SGCD: variants seen among roughly 807,000 people sequenced by gnomAD.
The protein encoded by SGCD is delta-sarcoglycan.
In SGCD, 18 loss-of-function variants were observed where a neutral mutation model predicts 36.6. The ratio of observed to expected loss-of-function variants is 0.49; its 90% CI spans 0.34 to 0.73. The LOEUF is 0.73. Among genes scored for constraint, SGCD ranks in the 30% least tolerant of loss-of-function variants. The pLI is 0.01. For missense variants in SGCD, 387 were observed against 346.7 expected, an observed-to-expected ratio of 1.12 and a Z score of -0.92; for synonymous variants, 133 against 130.6, an observed-to-expected ratio of 1.02 and a Z score of -0.12.
chr5:156,436,078 G>T (rs544418263), intron 3 of SGCD, among the ~76,000 whole-genome samples: 3 of 152,232 alleles, frequency 2.0e-5, no homozygotes, highest in African/African-American at 4.8e-5. Flanking sequence ...CACTCCATTT[G>T]TCTGTAGCCT....
At chr5:156,682,627 C>T (rs1753763046) in intron 7 of SGCD, among the ~76,000 whole-genome samples, 1 of 152,190 alleles carries the variant, frequency 6.6e-6, no homozygotes, top group South Asian at 2.1e-4. Flanking sequence ...GGACAAGGAA[C>T]ATTAAAGTTC....
intron 1 of SGCD, among the ~76,000 whole-genome samples, chr5:155,974,923 C>A (rs1006176132): frequency 3.9e-5 from 6 of 152,074 alleles, no homozygotes; most frequent in Non-Finnish European, 7.4e-5. Context: ...CTCTTCTTTT[C>A]CTTTCTGCCT....
chr5:156,049,178 G>T (rs1222621070), intron 1 of SGCD, among the ~76,000 whole-genome samples: 1 of 145,956 alleles, frequency 6.9e-6, no homozygotes, highest in African/African-American at 2.5e-5. Flanking sequence ...TGTTCTGTTG[G>T]TCTATATCTC....
chr5:156,415,913 C>T (rs531002193), intron 3 of SGCD, among the ~76,000 whole-genome samples: 104 of 152,276 alleles, frequency 6.8e-4, no homozygotes, highest in African/African-American at 2.2e-3. Context: ...TTTACAAATA[C>T]AGAAACATGG....
At chr5:155,916,565 G>A (rs1349893760) in intron 1 of SGCD, among the ~76,000 whole-genome samples, 1 of 152,074 alleles carries the variant, frequency 6.6e-6, no homozygotes, top group African/African-American at 2.4e-5. Context: ...GTGAACATCA[G>A]GTCTGTATTG....
At chr5:156,098,694 T>G (rs1489114706) in intron 1 of SGCD, among the ~76,000 whole-genome samples, 1 of 152,034 alleles carries the variant, frequency 6.6e-6, no homozygotes, top group Admixed American at 6.6e-5. Flanking sequence ...CTTATAAAGT[T>G]TGTACTTCAA....
rs372023683 is a variant in SGCD at position 156,612,705 on chromosome 5, G to A, written c.502+17654G>A. Among the ~76,000 whole-genome samples the A allele has an allele frequency of 3.3e-5, 5 of 152,326 alleles. No individual in the cohort carries two copies. In the East Asian group the frequency reaches 5.8e-4, roughly 18 times the overall value. The stretch of plus-strand genomic sequence containing the variant: ...TGTAACTACCCATGTGAGTACAGTG[G>A]TATGATGGCAGTGTGTCAGAAATGG... On this transcript the variant is annotated intron_variant, in intron 6 of 8. Transcript: ENST00000337851.
chr5:155,936,090 G>A (rs1757191047), intron 1 of SGCD, among the ~76,000 whole-genome samples: 2 of 152,156 alleles, frequency 1.3e-5, no homozygotes, highest in African/African-American at 2.4e-5. Context: ...CCCAAAGAGG[G>A]TATTACAGTC....
intron 3 of SGCD, among the ~76,000 whole-genome samples, chr5:156,403,570 C>T (rs1339079273): frequency 2.0e-5 from 3 of 152,120 alleles, no homozygotes; most frequent in Non-Finnish European, 2.9e-5. Context: ...GAGATTTTGC[C>T]GGACGTTCAC....
intron 3 of SGCD, among the ~76,000 whole-genome samples, chr5:156,229,269 T>TAC (rs1561574865): frequency 1.7e-4 from 15 of 88,546 alleles, no homozygotes; most frequent in African/African-American, 2.8e-4. Flanking sequence ...TACATATATA[T>TAC]ATACATACAT....
At chr5:156,609,404 C>G (rs566588533) in intron 6 of SGCD, among the ~76,000 whole-genome samples, 2 of 152,096 alleles carry the variant, frequency 1.3e-5, no homozygotes, top group Non-Finnish European at 2.9e-5. Flanking sequence ...GAGTTTCTGC[C>G]GAGAGATCGG....
intron 3 of SGCD, among the ~76,000 whole-genome samples, chr5:156,174,912 C>T (rs889315036): frequency 6.6e-6 from 1 of 152,084 alleles, no homozygotes; most frequent in African/African-American, 2.4e-5. Context: ...TAAGTTATAA[C>T]TGAAAATGGA....
At chr5:156,000,473 C>T (rs1370981463) in intron 1 of SGCD, among the ~76,000 whole-genome samples, 2 of 152,118 alleles carry the variant, frequency 1.3e-5, no homozygotes, top group Non-Finnish European at 2.9e-5. Flanking sequence ...TTTCCCTGTT[C>T]TAAAGGAGTG....
At chr5:155,821,709 T>G in the SGCD span, among the ~76,000 whole-genome samples, 5 of 152,330 alleles carry the variant, frequency 3.3e-5, no homozygotes, top group Admixed American at 6.5e-5. Flanking sequence ...ATATTTATTT[T>G]GCAGATTATA....
In SGCD at chr5:156,449,677, C is replaced by CAAAAAAAAAAA. The variant is rs397883573; in HGVS notation, c.193-58909_193-58899dup. Among the ~76,000 whole-genome samples the CAAAAAAAAAAA allele has an allele frequency of 8.9e-4, 41 of 46,034 alleles. 1 individual carries two copies. Among genetic ancestry groups the CAAAAAAAAAAA allele is most frequent in the African/African-American group, 1.8e-3 (21 of 11,558 alleles). The allele number at this position is 46,034 out of a possible 152,430, so 30.2% of individuals were successfully genotyped here. ...TGAAACTCCGTCTCTACTAAAAATA[C>CAAAAAAAAAAA]AAAAAAAAAAAAAAAAAAAAAAAAA... On this transcript the variant is annotated intron_variant, in intron 3 of 8. Coordinates refer to ENST00000337851, the MANE Select transcript of SGCD (RefSeq NM_000337.6).
chr5:156,131,531 A>G (rs917821192), intron 3 of SGCD, among the ~76,000 whole-genome samples: 1 of 152,218 alleles, frequency 6.6e-6, no homozygotes, highest in African/African-American at 2.4e-5. Context: ...CCAGAGAATA[A>G]TCTAATTTCC....
chr5:156,458,489 T>C lies in SGCD; in HGVS notation c.193-50112T>C, dbSNP rs1307051009. 3.0e-5 allele frequency: 49 copies of C among 1,607,416 alleles called. 1 individual carries two copies. In the South Asian group the frequency reaches 4.8e-4, roughly 16 times the overall value. ...GCTCATCCCCAACACAGTCAGCAAA[T>C]GACAAGGGCTTCGTTAACCTACAAC... On this transcript the variant is annotated intron_variant, in intron 3 of 8. Coordinates refer to ENST00000337851, the MANE Select transcript of SGCD (RefSeq NM_000337.6).
intron 3 of SGCD, among the ~76,000 whole-genome samples, chr5:156,184,411 T>C (rs1763685256): frequency 6.6e-6 from 1 of 151,182 alleles, no homozygotes. Flanking sequence ...TATTAGCTTT[T>C]GGATTGTTAA....
chr5:156,411,524 C>G (rs924264688), intron 3 of SGCD, among the ~76,000 whole-genome samples: 3 of 152,218 alleles, frequency 2.0e-5, no homozygotes, highest in African/African-American at 7.2e-5. Context: ...TGACTGGGCT[C>G]AGATCCTGGC....
Sources: allele counts gnomAD v4.1 joint callset (sites outside exome capture counted in the v4.1 genomes callset), GRCh38; gene constraint gnomAD v4.1.1; transcripts MANE v1.5; gene names NCBI Gene and HGNC (gene_info 2026-07-23, HGNC 2026-07-21).